COBL: variants seen among roughly 807,000 people sequenced by gnomAD.
The protein encoded by COBL is protein cordon-bleu.
Under a neutral mutation model 98.8 loss-of-function variants are expected in COBL, and 51 were observed. The observed-to-expected ratio is 0.52, with a 90% CI of 0.41 to 0.65. The LOEUF (loss-of-function observed/expected upper bound fraction) is 0.65. Among genes scored for constraint, COBL ranks in the 30% least tolerant of loss-of-function variants. COBL has a pLI of 0.00. For synonymous variants in COBL, 634 were observed against 651.7 expected, an observed-to-expected ratio of 0.97 and a Z score of 0.41; for missense variants, 1,617 against 1,617.5, an observed-to-expected ratio of 1.00 and a Z score of 0.01.
intron 8 of COBL, among the ~76,000 whole-genome samples, chr7:51,042,462 C>A (rs1050376808): frequency 3.3e-5 from 5 of 152,168 alleles, no homozygotes; most frequent in African/African-American, 1.2e-4. Context: ...TGGGCTCAAG[C>A]AATCCTCCCA....
rs189076055 is a variant in COBL at position 51,204,826 on chromosome 7, G to A, written c.246-11237C>T. On this transcript the variant is annotated intron_variant, in intron 2 of 12. Coordinates refer to ENST00000265136, the MANE Select transcript of COBL (RefSeq NM_015198.5). The stretch of plus-strand genomic sequence containing the variant: ...GGCCTCCCAATGTGCTGGGATTACA[G>A]GTGTGAGCCACCACACCCAGCCAAA... Among the ~76,000 whole-genome samples the A allele has an allele frequency of 3.9e-3, 600 of 152,128 alleles. 3 individuals carry two copies. The highest frequency in any genetic ancestry group is 0.014 in the African/African-American group (562 of 41,502).
intron 6 of COBL, among the ~76,000 whole-genome samples, chr7:51,116,365 C>G (rs900916605): frequency 1.3e-5 from 2 of 152,088 alleles, no homozygotes; most frequent in African/African-American, 4.8e-5. Flanking sequence ...TATGTGTGCT[C>G]AACTTTTACA....
At chr7:51,280,418 T>G (rs1799715588) in intron 1 of COBL, among the ~76,000 whole-genome samples, 1 of 152,186 alleles carries the variant, frequency 6.6e-6, no homozygotes, top group Admixed American at 6.5e-5. Context: ...GCACAGGGAC[T>G]CGCAAAGCTT....
chr7:51,228,849 C>G (rs1421048259), intron 1 of COBL, among the ~76,000 whole-genome samples: 1 of 152,032 alleles, frequency 6.6e-6, no homozygotes, highest in Non-Finnish European at 1.5e-5. Flanking sequence ...AACCCCTGTT[C>G]CAAGTTTCAG....
intron 7 of COBL, chr7:51,082,950 A>G: frequency 1.0e-6 from 1 of 984,820 alleles, no homozygotes; most frequent in Non-Finnish European, 1.5e-6. Context: ...AAGGAAAGGC[A>G]CACACATCCA....
Position 51,193,586 on chromosome 7 carries a change from A to G in COBL, c.249T>C (p.His83=). 1.2e-6 allele frequency: 2 copies of G among 1,613,926 alleles called. No individual in the cohort carries two copies. Among genetic ancestry groups the G allele is most frequent in the Non-Finnish European group, 1.7e-6 (2 of 1,179,858 alleles). The change falls in exon 3 of 13, where the codon CAT becomes CAC. Residue 83 remains histidine (H), a synonymous_variant. Coordinates refer to ENST00000265136, the MANE Select transcript of COBL (RefSeq NM_015198.5). Reference sequence around the variant, plus strand: ...GTTCAACCAGTAGGTCCATCATCGCATGGCTGAAAAAAGGAAAACAAATCA... The same window carrying G: ...GTTCAACCAGTAGGTCCATCATCGCGTGGCTGAAAAAAGGAAAACAAATCA... ...LEKRSVLNGS[H]AMMDLLVELC...
chr7:51,266,992 T>A (rs966547116), intron 1 of COBL, among the ~76,000 whole-genome samples: 1 of 152,148 alleles, frequency 6.6e-6, no homozygotes. Flanking sequence ...CATTGTATCA[T>A]GGTCAGGATT....
intron 5 of COBL, among the ~76,000 whole-genome samples, chr7:51,182,822 A>C (rs776149265): frequency 6.6e-6 from 1 of 152,176 alleles, no homozygotes; most frequent in South Asian, 2.1e-4. Context: ...TCTTAAGTAC[A>C]AGAGAATCAC....
chr7:51,172,446 T>C (rs576648774), intron 5 of COBL: 1 of 1,285,366 alleles, frequency 7.8e-7, no homozygotes, highest in African/African-American at 1.5e-5. Flanking sequence ...GCTGGGGCAT[T>C]AGTACTCACG....
intron 7 of COBL, among the ~76,000 whole-genome samples, chr7:51,054,438 C>G (rs1300686884): frequency 1.3e-5 from 2 of 152,146 alleles, no homozygotes; most frequent in African/African-American, 4.8e-5. Flanking sequence ...GGGCCTTCCT[C>G]GTATGTGTGC....
chr7:51,165,343 A>C (rs1787203854), intron 5 of COBL, among the ~76,000 whole-genome samples: 1 of 152,098 alleles, frequency 6.6e-6, no homozygotes, highest in East Asian at 1.9e-4. Flanking sequence ...ATAGATTTCA[A>C]GACCAAAACT....
chr7:51,056,808 T>TC, intron 7 of COBL, among the ~76,000 whole-genome samples: 9 of 77,984 alleles, frequency 1.2e-4, no homozygotes, highest in East Asian at 3.3e-4. Flanking sequence ...TACAGTGCTC[T>TC]CCCAACACAC....
At chr7:51,185,920 G>A (rs565281762) in intron 4 of COBL, among the ~76,000 whole-genome samples, 2 of 152,356 alleles carry the variant, frequency 1.3e-5, no homozygotes, top group African/African-American at 2.4e-5. Context: ...GAGCAAAGGT[G>A]CACATCCTAG....
intron 7 of COBL, among the ~76,000 whole-genome samples, chr7:51,056,393 G>A (rs141673409): frequency 6.6e-6 from 1 of 152,024 alleles, no homozygotes; most frequent in East Asian, 1.9e-4. Flanking sequence ...CTAGTGAGAG[G>A]TGCCTGTATC....
In COBL at chr7:51,017,228, G is replaced by C; in HGVS notation, c.*323C>G. On this transcript the variant is annotated 3_prime_UTR_variant, in exon 13 of 13. Transcript: ENST00000265136. ...TCTAAGGCATGATTCTTTTTACTTT[G>C]CCCATAAATATAATTAAGTGTGAGT... 1.9e-6 allele frequency: 1 copy of C among 528,898 alleles called. No individual in the cohort carries two copies. Among genetic ancestry groups the C allele is most frequent in the South Asian group, 3.2e-5 (1 of 30,896 alleles). 32.8% of individuals were successfully genotyped at this position (528,898 alleles called of 1,614,324 possible). A position where few individuals can be genotyped will look rare whatever the true frequency, so the allele number is the denominator to read the frequency against.
intron 8 of COBL, 101 bp downstream of exon 8, chr7:51,043,282 A>C: frequency 8.6e-7 from 1 of 1,156,922 alleles, no homozygotes; most frequent in Non-Finnish European, 1.2e-6. Context: ...GGTGCAGAGC[A>C]GGTTGTGATA....
At chr7:51,023,770 G>A (rs1420900050) in intron 12 of COBL, among the ~76,000 whole-genome samples, 2 of 152,200 alleles carry the variant, frequency 1.3e-5, no homozygotes, top group Non-Finnish European at 2.9e-5. Flanking sequence ...TCCTACATGA[G>A]AGTAGCTTAC....
chr7:51,087,778 C>CTTT (rs34922133), intron 6 of COBL, among the ~76,000 whole-genome samples: 16 of 117,322 alleles, frequency 1.4e-4, no homozygotes, highest in Non-Finnish European at 1.9e-4. Context: ...CCGGCCCCGC[C>CTTT]TTTTTTTTTT....
At chr7:51,178,804 T>C (rs1788658010) in intron 5 of COBL, among the ~76,000 whole-genome samples, 1 of 152,126 alleles carries the variant, frequency 6.6e-6, no homozygotes, top group African/African-American at 2.4e-5. Flanking sequence ...AGACGGGGTT[T>C]CTCCAAGCTG....
Sources: allele counts gnomAD v4.1 joint callset (sites outside exome capture counted in the v4.1 genomes callset), GRCh38; gene constraint gnomAD v4.1.1; transcripts MANE v1.5; gene names NCBI Gene and HGNC (gene_info 2026-07-23, HGNC 2026-07-21).